Variants in GPHN observed in about 807,000 individuals in gnomAD.
The protein encoded by GPHN is gephyrin.
GPHN carries 17 observed loss-of-function variants against 95.5 expected under a neutral mutation model. That is an observed-to-expected ratio of 0.18 (90% CI 0.12 to 0.27). The LOEUF is 0.27. Among genes scored for constraint, GPHN ranks in the 10% least tolerant of loss-of-function variants. GPHN has a pLI of 1.00. For missense variants in GPHN, 660 were observed against 978.1 expected (o/e 0.67, Z 4.34); for synonymous variants, 320 against 322.5 (o/e 0.99, Z 0.08).
the GPHN span, among the ~76,000 whole-genome samples, chr14:67,324,897 ATTTTTTTTTTTT>A: frequency 1.3e-5 from 1 of 76,336 alleles, no homozygotes; most frequent in Non-Finnish European, 2.4e-5. Context: ...CCTTCCTTTC[ATTTTTTTTTTTT>A]TTTTTTTTTT....
chr14:66,573,826 C>T (rs146202707), intron 1 of GPHN, among the ~76,000 whole-genome samples: 135 of 152,112 alleles, frequency 8.9e-4, no homozygotes, highest in Non-Finnish European at 1.6e-3. Flanking sequence ...CTACTCCTGC[C>T]CTCTTTTGGT....
chr14:67,518,293 C>T, the GPHN span, among the ~76,000 whole-genome samples: 1 of 152,202 alleles, frequency 6.6e-6, no homozygotes, highest in African/African-American at 2.4e-5. Flanking sequence ...GACTCTCCAT[C>T]CTAGTTGGAT....
the GPHN span, among the ~76,000 whole-genome samples, chr14:67,439,486 C>T: frequency 6.6e-6 from 1 of 152,294 alleles, no homozygotes; most frequent in South Asian, 2.1e-4. Flanking sequence ...TTCATCCTAG[C>T]ATATTAGAGC....
intron 6 of GPHN, among the ~76,000 whole-genome samples, chr14:66,920,158 A>C (rs2153560118): frequency 6.6e-6 from 1 of 152,292 alleles, no homozygotes; most frequent in East Asian, 1.9e-4. Context: ...ACATCAAGAA[A>C]TGGTCTTGAC....
the GPHN span, chr14:67,726,114 C>T: frequency 6.2e-7 from 1 of 1,613,948 alleles, no homozygotes; most frequent in Non-Finnish European, 8.5e-7. Flanking sequence ...TATTCCAAGA[C>T]AGCTGATGGC....
At chr14:67,208,247 A>C in the GPHN span, 4 of 1,614,058 alleles carry the variant, frequency 2.5e-6, no homozygotes, top group Non-Finnish European at 3.4e-6. Flanking sequence ...ACAAGATACA[A>C]AAAGTAAGAG....
chr14:66,857,828 GGCATGGAGAGAGAATCTGT>G (rs2062861899), intron 4 of GPHN, among the ~76,000 whole-genome samples: 1 of 152,148 alleles, frequency 6.6e-6, no homozygotes, highest in Non-Finnish European at 1.5e-5. Context: ...CTGGCTGCAT[GGCATGGAGAGAGAATCTGT>G]GCATTTGGGA....
the GPHN span, chr14:67,651,238 C>A: frequency 6.7e-7 from 1 of 1,483,560 alleles, no homozygotes; most frequent in Non-Finnish European, 9.0e-7. Context: ...GGTTTTTCAT[C>A]TTTCCTCCCT....
the GPHN span, among the ~76,000 whole-genome samples, chr14:67,249,547 T>A: frequency 6.6e-6 from 1 of 152,216 alleles, no homozygotes; most frequent in Non-Finnish European, 1.5e-5. Context: ...CCAACAGATG[T>A]GAAATAATTA....
At chr14:66,608,970 A>G (rs2062664985) in intron 1 of GPHN, among the ~76,000 whole-genome samples, 1 of 152,054 alleles carries the variant, frequency 6.6e-6, no homozygotes, top group Admixed American at 6.6e-5. Flanking sequence ...GTGGGTCTTT[A>G]TTCCATTCAC....
rs1160169586 is a variant in GPHN, at chr14:67,159,438, C to G, written c.1860C>G (p.Asp620Glu). The G allele has an allele frequency of 6.2e-7, 1 of 1,605,218 alleles. No individual in the cohort carries two copies. The highest frequency in any genetic ancestry group is 8.5e-7 in the Non-Finnish European group (1 of 1,171,968). ...AGGACTATCTCAAGCAGGTGCTGGA[C>G]ATTGATCTTCATGCTCAGATCCATT... Reference protein sequence around the residue: ...GEKDYLKQVLDIDLHAQIHFG... With the variant: ...GEKDYLKQVLEIDLHAQIHFG... The change falls in exon 19 of 23, where the codon GAC (aspartate) becomes GAG (glutamate). Residue 620 changes from aspartate (D) to glutamate (E), a missense_variant. By Grantham distance (45) the Asp-to-Glu change is conservative. This residue lies in a region of GPHN where 257 missense variants were observed against 376.2 expected (regional missense o/e 0.68). Transcript: ENST00000478722.
chr14:67,280,276 T>G, the GPHN span, among the ~76,000 whole-genome samples: 1 of 152,248 alleles, frequency 6.6e-6, no homozygotes, highest in African/African-American at 2.4e-5. Context: ...CTGCCTGCCC[T>G]TCTTGCACGT....
At chr14:67,256,971 C>T in the GPHN span, among the ~76,000 whole-genome samples, 1 of 152,144 alleles carries the variant, frequency 6.6e-6, no homozygotes, top group Admixed American at 6.5e-5. Context: ...GACACAGCCT[C>T]AGGAGGTCCT....
chr14:66,621,488 G>A (rs1205943456), intron 1 of GPHN, among the ~76,000 whole-genome samples: 4 of 150,036 alleles, frequency 2.7e-5, no homozygotes, highest in African/African-American at 4.9e-5. Context: ...GCAATGGCAC[G>A]ATCTCAGCTC....
chr14:67,229,207 C>T, the GPHN span, among the ~76,000 whole-genome samples: 1 of 152,110 alleles, frequency 6.6e-6, no homozygotes, highest in Non-Finnish European at 1.5e-5. Flanking sequence ...CGCAAATTTG[C>T]GATTCACATT....
intron 1 of GPHN, among the ~76,000 whole-genome samples, chr14:66,546,851 T>A (rs1249222325): frequency 2.0e-5 from 3 of 152,112 alleles, no homozygotes; most frequent in Non-Finnish European, 4.4e-5. Context: ...GTAACTTCAC[T>A]TCAGCCTCTG....
At chr14:67,684,963 T>G in the GPHN span, 6 of 1,491,464 alleles carry the variant, frequency 4.0e-6, no homozygotes, top group Non-Finnish European at 5.4e-6. Context: ...CAAACCCAAA[T>G]TATCTCCTTT....
At chr14:67,586,406 C>CTTCT in the GPHN span, 2 of 1,345,676 alleles carry the variant, frequency 1.5e-6, no homozygotes, top group South Asian at 2.5e-5. Flanking sequence ...TGCTTACGTG[C>CTTCT]TCTTCTCTTC....
At chr14:67,282,006 T>G in the GPHN span, among the ~76,000 whole-genome samples, 1 of 152,172 alleles carries the variant, frequency 6.6e-6, no homozygotes, top group Non-Finnish European at 1.5e-5. Flanking sequence ...AACAGGTATT[T>G]GTAATTCATT....
Sources: allele counts gnomAD v4.1 joint callset (sites outside exome capture counted in the v4.1 genomes callset), GRCh38; gene constraint gnomAD v4.1.1; regional missense constraint gnomAD v4.1.1; transcripts MANE v1.5; gene names NCBI Gene and HGNC (gene_info 2026-07-23, HGNC 2026-07-21).